The following NDRG1 variants were observed in gnomAD, a reference collection of about 807,000 sequenced individuals.
The protein encoded by NDRG1 is N-myc downstream regulated 1.
A neutral mutation model predicts 56.9 loss-of-function variants in NDRG1; 32 were observed. The ratio of observed to expected loss-of-function variants is 0.56; its 90% CI spans 0.42 to 0.76. The LOEUF (loss-of-function observed/expected upper bound fraction) is 0.76. Ranked by LOEUF, NDRG1 falls within the 30% of genes least tolerant of loss-of-function variation. The pLI is 0.00. For synonymous variants in NDRG1, 211 were observed against 204.1 expected, an observed-to-expected ratio of 1.03 and a Z score of -0.29; for missense variants, 507 against 545.7, an observed-to-expected ratio of 0.93 and a Z score of 0.71.
In NDRG1 at chr8:133,246,600, A is replaced by G. The variant is rs1855693659; in HGVS notation, c.855+16T>C. ...TAAGAAATAACAAACACGAACCCCC[A>G]CTGTTTTCCCTGTACCTTGAGGAGA... is the stretch of plus-strand genomic sequence containing the variant. On this transcript the variant is annotated intron_variant, in intron 13 of 15. Coordinates refer to ENST00000323851, the MANE Select transcript of NDRG1 (RefSeq NM_006096.4). The G allele has an allele frequency of 6.2e-7, 1 of 1,613,676 alleles. No homozygotes were observed. Among genetic ancestry groups the G allele is most frequent in the Non-Finnish European group, 8.5e-7 (1 of 1,179,768 alleles).
chr8:133,258,599 C>G (rs1055434562), intron 6 of NDRG1, among the ~76,000 whole-genome samples, 173 bp from the exon 7 acceptor site: 3 of 152,204 alleles, frequency 2.0e-5, no homozygotes, highest in African/African-American at 7.2e-5. Context: ...ACAGAGACCT[C>G]GACCTTGGAG....
intron 7 of NDRG1, among the ~76,000 whole-genome samples, chr8:133,257,294 C>CAT: frequency 1.0e-5 from 1 of 97,716 alleles, no homozygotes; most frequent in Admixed American, 9.4e-5. Context: ...CACACACACA[C>CAT]ACACACACAC....
chr8:133,253,493 A>C (rs1856187992), intron 9 of NDRG1, among the ~76,000 whole-genome samples: 1 of 152,214 alleles, frequency 6.6e-6, no homozygotes, highest in Non-Finnish European at 1.5e-5. Flanking sequence ...ACCTGGGTGG[A>C]ATCCTATTCC....
chr8:133,258,306 C>T, intron 7 of NDRG1, 60 bp downstream of exon 7: 1 of 1,529,426 alleles, frequency 6.5e-7, no homozygotes, highest in Non-Finnish European at 8.9e-7. Context: ...TTTCCAATGT[C>T]TTCCTTCATC....
At chr8:133,259,143 G>A (rs1441897969) in intron 6 of NDRG1, 25 bp downstream of exon 6, 9 of 1,611,676 alleles carry the variant, frequency 5.6e-6, no homozygotes, top group South Asian at 1.1e-5. Context: ...TGCAGACAGA[G>A]AAGGAGCTGA....
chr8:133,272,582 G>T (rs1285804744), intron 3 of NDRG1, among the ~76,000 whole-genome samples: 1 of 152,188 alleles, frequency 6.6e-6, no homozygotes, highest in East Asian at 1.9e-4. Flanking sequence ...GCAGAGCCTG[G>T]CCTGGACACA....
At chr8:133,294,971 C>CACAT (rs1435678250) in intron 1 of NDRG1, among the ~76,000 whole-genome samples, 1 of 152,222 alleles carries the variant, frequency 6.6e-6, no homozygotes, top group Admixed American at 6.5e-5. Context: ...TCGGCCTGGG[C>CACAT]ACATCCCTCC....
intron 1 of NDRG1, among the ~76,000 whole-genome samples, chr8:133,296,022 G>C (rs1036148410): frequency 1.3e-5 from 2 of 152,126 alleles, no homozygotes; most frequent in Admixed American, 1.3e-4. Flanking sequence ...CGGGGGATAT[G>C]GGGGAGGGGT....
At chr8:133,287,786 C>T (rs574924385) in intron 1 of NDRG1, among the ~76,000 whole-genome samples, 2 of 152,352 alleles carry the variant, frequency 1.3e-5, no homozygotes, top group South Asian at 2.1e-4. Context: ...CCCCACGCTG[C>T]GACCAGCAAA....
chr8:133,295,716 G>A (rs1186526107), intron 1 of NDRG1, among the ~76,000 whole-genome samples: 4 of 152,224 alleles, frequency 2.6e-5, no homozygotes, highest in Admixed American at 2.6e-4. Flanking sequence ...TTTGTATTTA[G>A]ATATGTTCTT....
intron 9 of NDRG1, among the ~76,000 whole-genome samples, chr8:133,252,807 G>A (rs1354279242): frequency 4.0e-5 from 6 of 150,524 alleles, no homozygotes; most frequent in Non-Finnish European, 8.9e-5. Flanking sequence ...TCGTACACTC[G>A]CCAACTCCAG....
At position 133,238,677 on chromosome 8, in the gene NDRG1, T is replaced by A. The variant is rs886062715; in HGVS notation, c.*201A>T. The A allele has an allele frequency of 2.1e-4, 136 of 642,720 alleles. 2 individuals carry two copies. The South Asian group carries it at 2.7e-3, about 13-fold the overall frequency. 39.8% of individuals were successfully genotyped at this position (642,720 alleles called of 1,614,324 possible). Reference sequence around the variant, plus strand: ...ATGCGGAGATGCTTGCTTCCTTCCTTTGGTCCACCGCCACCCCGCCTTTGG... The same window carrying A: ...ATGCGGAGATGCTTGCTTCCTTCCTATGGTCCACCGCCACCCCGCCTTTGG... On this transcript the variant is annotated 3_prime_UTR_variant, in exon 16 of 16. Transcript: ENST00000323851.
At chr8:133,291,908 C>T (rs1858450508) in intron 1 of NDRG1, among the ~76,000 whole-genome samples, 1 of 152,150 alleles carries the variant, frequency 6.6e-6, no homozygotes. Context: ...TCAACTTGAG[C>T]ACAGCACCAG....
At chr8:133,296,766 G>A (rs1274799147) in intron 1 of NDRG1, 3 of 223,764 alleles carry the variant, frequency 1.3e-5, no homozygotes, top group South Asian at 3.8e-5. Flanking sequence ...CGTCCAGCGC[G>A]CACCCCTGCC....
At chr8:133,296,332 G>A (rs1285598137) in intron 1 of NDRG1, among the ~76,000 whole-genome samples, 1 of 152,126 alleles carries the variant, frequency 6.6e-6, no homozygotes, top group African/African-American at 2.4e-5. Flanking sequence ...GCCGCCAAAT[G>A]TCCGCGAGAC....
intron 4 of NDRG1, among the ~76,000 whole-genome samples, chr8:133,263,954 G>A (rs957219664): frequency 7.5e-5 from 11 of 147,622 alleles, no homozygotes; most frequent in African/African-American, 2.5e-4. Context: ...AAAGAAAAAA[G>A]AACGAATAAA....
At chr8:133,268,467 G>A (rs983837763) in intron 3 of NDRG1, among the ~76,000 whole-genome samples, 2 of 152,194 alleles carry the variant, frequency 1.3e-5, no homozygotes, top group Non-Finnish European at 2.9e-5. Context: ...AGCCTTGGTG[G>A]GAAGGACAAA....
chr8:133,278,887 CTT>C (rs34187643), intron 3 of NDRG1, among the ~76,000 whole-genome samples: 13,228 of 125,398 alleles, frequency 0.11, 731 homozygotes, highest in Middle Eastern at 0.16. Flanking sequence ...CTCTCTTCTT[CTT>C]TTTTTTTTTT....
chr8:133,261,106 A>C (rs1299281716), intron 5 of NDRG1, among the ~76,000 whole-genome samples: 1 of 152,116 alleles, frequency 6.6e-6, no homozygotes, highest in Admixed American at 6.5e-5. Flanking sequence ...CAGCTGTGCA[A>C]CCTTTTTTTC....
Sources: allele counts gnomAD v4.1 joint callset (sites outside exome capture counted in the v4.1 genomes callset), GRCh38; gene constraint gnomAD v4.1.1; transcripts MANE v1.5; gene names NCBI Gene and HGNC (gene_info 2026-07-23, HGNC 2026-07-21).